RANBP2: variants seen among roughly 807,000 people sequenced by gnomAD.
RANBP2 encodes E3 SUMO-protein ligase RanBP2.
RANBP2 carries 57 observed loss-of-function variants against 303.6 expected under a neutral mutation model. The observed-to-expected ratio is 0.19, with a 90% CI of 0.15 to 0.23. The LOEUF is 0.23. Among genes scored for constraint, RANBP2 ranks in the 10% least tolerant of loss-of-function variants. The pLI is 1.00. For synonymous variants in RANBP2, 1,167 were observed against 1,301.5 expected (o/e 0.90, Z 2.23); for missense variants, 3,138 against 3,780.8 (o/e 0.83, Z 4.46).
chr2:109,572,276 G>A, the RANBP2 span, among the ~76,000 whole-genome samples: 3 of 152,098 alleles, frequency 2.0e-5, no homozygotes, highest in East Asian at 1.9e-4. Flanking sequence ...GACTACTGGC[G>A]CATGCCACGA....
rs796632729 is a variant in RANBP2, at chr2:108,740,497, G to A, written c.791G>A (p.Ser264Asn). ...ATATTTTCATATTACAGTTTTGATA[G>A]TGCTCTTCAGTCTGTGAAATCTTTG... ...ESRELLQSFD[S>N]ALQSVKSLGG... is the part of the protein sequence containing the mutation. Residue 264 changes from serine to asparagine, a missense_variant, in exon 7 of 29, where the codon AGT becomes AAT. Ser to Asn is a conservative substitution (Grantham distance 46). Around this residue, in one of 20 missense-constraint regions of RANBP2, gnomAD observed 306 missense variants for 381.9 expected, o/e 0.80. Coordinates refer to ENST00000283195, the MANE Select transcript of RANBP2 (RefSeq NM_006267.5). 1.3e-6 allele frequency: 2 copies of A among 1,597,394 alleles called. No homozygotes were observed. Among genetic ancestry groups the A allele is most frequent in the African/African-American group, 1.3e-5 (1 of 74,834 alleles).
the RANBP2 span, among the ~76,000 whole-genome samples, chr2:108,807,951 C>T: frequency 6.6e-6 from 1 of 152,198 alleles, no homozygotes; most frequent in Non-Finnish European, 1.5e-5. Flanking sequence ...GCCAACTTCT[C>T]CACATTCCTT....
chr2:108,742,637 T>G lies in RANBP2; in HGVS notation c.975+1956T>G, dbSNP rs570995845. On this transcript the variant is annotated intron_variant, in intron 7 of 28. Transcript: ENST00000283195. ...TTTTAAAAACACCGTTGATAGACAG[T>G]TCACATGTTAAGTGCTAATATTTGC... Among the ~76,000 whole-genome samples the G allele has an allele frequency of 4.6e-5, 7 of 152,226 alleles. No homozygotes were observed. In the South Asian group the frequency reaches 8.3e-4, roughly 18 times the overall value.
chr2:109,209,415 A>G, the RANBP2 span, among the ~76,000 whole-genome samples: 1 of 152,060 alleles, frequency 6.6e-6, no homozygotes, highest in Non-Finnish European at 1.5e-5. Flanking sequence ...CAGGGTGTAA[A>G]CACTCCCACC....
In RANBP2 at chr2:108,763,782, T is replaced by C. The variant is rs1573807706; in HGVS notation, c.3243T>C (p.Tyr1081=). Residue 1081 remains tyrosine (Y), a synonymous_variant, in exon 20 of 29, where the codon TAT becomes TAC. Transcript: ENST00000283195. ...ATAAACCCTTGCAAGGAGATGGCTA[T>C]AGTGGAGCCAAACCAATTCCTGGTG... ...TSDKPLQGDG[Y]SGAKPIPGGQ... 6.2e-7 allele frequency: 1 copy of C among 1,614,152 alleles called. No individual in the cohort carries two copies.
At chr2:108,759,372 C>G (rs561374408) in intron 18 of RANBP2, among the ~76,000 whole-genome samples, 1 of 152,122 alleles carries the variant, frequency 6.6e-6, no homozygotes, top group Non-Finnish European at 1.5e-5. Context: ...ATTCACACTC[C>G]GGTGGTGTAA....
chr2:109,750,652 G>A, the RANBP2 span, among the ~76,000 whole-genome samples: 2 of 82,268 alleles, frequency 2.4e-5, 1 homozygote, highest in Non-Finnish European at 5.0e-5. Flanking sequence ...ACTTCGCATG[G>A]TAGCTGGCAT....
chr2:108,980,388 A>G, the RANBP2 span, among the ~76,000 whole-genome samples: 1 of 152,108 alleles, frequency 6.6e-6, no homozygotes, highest in Non-Finnish European at 1.5e-5. Context: ...TCTGGTGGGC[A>G]CGCCCTGCCG....
At chr2:108,805,617 C>A in the RANBP2 span, among the ~76,000 whole-genome samples, 1 of 151,818 alleles carries the variant, frequency 6.6e-6, no homozygotes. Context: ...GTCCCAGCTA[C>A]TCGGGAGGCT....
At chr2:109,196,568 T>A in the RANBP2 span, among the ~76,000 whole-genome samples, 1 of 152,030 alleles carries the variant, frequency 6.6e-6, no homozygotes, top group African/African-American at 2.4e-5. Flanking sequence ...CCTGCAAGAG[T>A]GGCCCTACAT....
the RANBP2 span, among the ~76,000 whole-genome samples, chr2:108,948,616 G>GGA: frequency 1.3e-4 from 20 of 151,894 alleles, no homozygotes; most frequent in Middle Eastern, 3.4e-3. Context: ...CATGGTGGCA[G>GGA]GAGAGAGAGA....
At chr2:109,705,119 A>C in the RANBP2 span, among the ~76,000 whole-genome samples, 2 of 151,362 alleles carry the variant, frequency 1.3e-5, no homozygotes, top group Admixed American at 6.6e-5. Flanking sequence ...ATAAATAAAA[A>C]TGGGGCCAGG....
chr2:109,401,776 C>A, the RANBP2 span, among the ~76,000 whole-genome samples: 6 of 152,144 alleles, frequency 3.9e-5, no homozygotes, highest in Non-Finnish European at 8.8e-5. Flanking sequence ...GTTGCCATGG[C>A]CTCCGTGTTA....
chr2:109,203,810 C>T, the RANBP2 span, among the ~76,000 whole-genome samples: 2 of 122,542 alleles, frequency 1.6e-5, no homozygotes, highest in Admixed American at 8.4e-5. Flanking sequence ...TCATGCACGC[C>T]TCGACTCTGA....
chr2:109,412,726 T>A, the RANBP2 span, among the ~76,000 whole-genome samples: 3 of 152,224 alleles, frequency 2.0e-5, no homozygotes, highest in Non-Finnish European at 4.4e-5. Context: ...TGGAAATGTT[T>A]CAGGAAACCA....
chr2:108,723,401 TGTAG>T (rs1694440210), intron 1 of RANBP2, among the ~76,000 whole-genome samples: 1 of 151,698 alleles, frequency 6.6e-6, no homozygotes, highest in Non-Finnish European at 1.5e-5. Flanking sequence ...TGCCCCAGCC[TGTAG>T]CTGGGACTAC....
the RANBP2 span, among the ~76,000 whole-genome samples, chr2:109,426,473 C>A: frequency 2.0e-5 from 3 of 152,170 alleles, no homozygotes; most frequent in South Asian, 6.2e-4. Flanking sequence ...AGCAAGAGAA[C>A]TAGAATTAGA....
At chr2:108,906,399 C>T in the RANBP2 span, 2 of 1,613,012 alleles carry the variant, frequency 1.2e-6, no homozygotes, top group Non-Finnish European at 1.7e-6. Flanking sequence ...TTTTCATCTC[C>T]AGAAAGGGGC....
At chr2:108,988,514 T>A in the RANBP2 span, among the ~76,000 whole-genome samples, 2 of 152,038 alleles carry the variant, frequency 1.3e-5, no homozygotes, top group African/African-American at 4.8e-5. Context: ...GAAACCCCAC[T>A]TGGAAGGTCT....
Sources: gnomAD v4.1 joint callset for allele counts (sites outside exome capture counted in the v4.1 genomes callset) on GRCh38, gnomAD v4.1.1 for gene constraint, gnomAD v4.1.1 regional missense constraint, MANE v1.5 for transcripts, NCBI Gene and HGNC (gene_info 2026-07-23, HGNC 2026-07-21) for gene names.